SAT2: variants seen among roughly 807,000 people sequenced by gnomAD.
The protein encoded by SAT2 is thialysine N-epsilon-acetyltransferase.
Under a neutral mutation model 24.8 loss-of-function variants are expected in SAT2, and 19 were observed. The observed-to-expected ratio is 0.77, with a 90% CI of 0.53 to 1.12. The LOEUF (loss-of-function observed/expected upper bound fraction) is 1.12. Among genes scored for constraint, SAT2 ranks in the 50% most tolerant of loss-of-function variants. The pLI is 0.00. For synonymous variants in SAT2, 77 were observed against 77.4 expected (o/e 0.99, Z 0.03); for missense variants, 190 against 210.7 (o/e 0.90, Z 0.61).
rs1340209627 is a variant in SAT2 at position 7,626,755 on chromosome 17, C to T, written c.343G>A (p.Glu115Lys). ...TGTCGCCCCACCCATCTCCTCACCT[C>T]AGCCACCTTTTTGATTATTTTGGAA... Reference protein sequence around the residue: ...IGSKIIKKVAEVALDKGCSQF... With the variant: ...IGSKIIKKVAKVALDKGCSQF... The change falls in exon 5 of 6, where the codon GAG becomes AAG. Residue 115 changes from glutamate to lysine, a missense_variant and splice_region_variant. Glu to Lys is a moderately conservative substitution (Grantham distance 56). Transcript: ENST00000269298. The T allele has an allele frequency of 1.2e-6, 2 of 1,614,192 alleles. No individual in the cohort carries two copies. Among genetic ancestry groups the T allele is most frequent in the Non-Finnish European group, 1.7e-6 (2 of 1,180,034 alleles).
At position 7,626,501 on chromosome 17, in the gene SAT2, G is replaced by C. The variant is rs765733862; in HGVS notation, c.459C>G (p.Gly153=). The change falls in exon 6 of 6, where the codon GGC becomes GGG. Residue 153 remains glycine (G), a synonymous_variant. Coordinates refer to ENST00000269298, the MANE Select transcript of SAT2 (RefSeq NM_133491.5). The part of the protein sequence containing the change: ...LGAQDLTEAE[G]WHFFCFQGEA... ...CTCCTTGAAAGCAGAAGAAGTGCCA[G>C]CCCTCAGCTTCCGTCAGATCTTGGG... The C allele has an allele frequency of 2.2e-5, 35 of 1,614,146 alleles. No homozygotes were observed. Among genetic ancestry groups the C allele is most frequent in the Non-Finnish European group, 3.0e-5 (35 of 1,180,030 alleles).
In SAT2 at chr17:7,627,000, T is replaced by TA. The variant is rs773401600; in HGVS notation, c.246dup (p.Thr83TyrfsTer33). On this transcript the variant is annotated frameshift_variant, in exon 4 of 6. Transcript: ENST00000269298. LOFTEE classifies it high-confidence loss of function. The stretch of plus-strand genomic sequence containing the variant: ...AGATAAATGGTGCGTCCCTTCCATG[T>TA]ACTGTAGATGAAATAGTATATCCCA... 6.2e-7 allele frequency: 1 copy of TA among 1,614,018 alleles called. No individual in the cohort carries two copies. The highest frequency in any genetic ancestry group is 1.1e-5 in the South Asian group (1 of 91,076).
In SAT2 at chr17:7,627,621, C is replaced by A. The variant is rs1199471947; in HGVS notation, c.15G>T (p.Arg5=). Residue 5 remains arginine (R), a synonymous_variant, in exon 1 of 6, where the codon CGG becomes CGT. Coordinates refer to ENST00000269298, the MANE Select transcript of SAT2 (RefSeq NM_133491.5). The surrounding 1 kb of genome is among the most constrained non-coding windows in gnomAD (Gnocchi z 4.8). MASV[R]IREAKEGDCG... ...AGTCTCCCTCCTTGGCCTCTCGGAT[C>A]CGCACGGAAGCCATCCGGATCCCCG... 6.2e-7 allele frequency: 1 copy of A among 1,613,690 alleles called. No individual in the cohort carries two copies. Among genetic ancestry groups the A allele is most frequent in the Non-Finnish European group, 8.5e-7 (1 of 1,179,820 alleles).
At position 7,627,197 on chromosome 17, in the gene SAT2, G is replaced by C. The variant is rs2072239565; in HGVS notation, c.148C>G (p.Pro50Ala). Residue 50 changes from proline to alanine, a missense_variant, in exon 3 of 6, where the codon CCT (proline) becomes GCT (alanine). Physicochemically the swap from Pro to Ala is conservative, Grantham distance 27 (BLOSUM62 -1). Transcript: ENST00000269298. This position sits in a 1 kb window ranked among gnomAD's most constrained non-coding sequence, Gnocchi z 4.8. ...TCTGCTACCAAACAGTGATAGAAAG[G>C]ATTGTCTCCAAAGCCATCTGCTCTC... is the stretch of plus-strand genomic sequence containing the variant. ...ALRADGFGDN[P>A]FYHCLVAEIL... 1.2e-6 allele frequency: 2 copies of C among 1,614,102 alleles called. No homozygotes were observed.
Position 7,627,063 on chromosome 17 carries a change from G to A in SAT2, c.203-19C>T, listed in dbSNP as rs2072234722. On this transcript the variant is annotated intron_variant, in intron 3 of 5. Coordinates refer to ENST00000269298, the MANE Select transcript of SAT2 (RefSeq NM_133491.5). The surrounding 1 kb of genome is among the most constrained non-coding windows in gnomAD (Gnocchi z 4.8). ...CAGGGCCCTGAGAGAGAGAAAAGGGGAGTAAGGCTTCTGGAAGCCTGTGGG... is the reference window on the plus strand; with the variant it reads ...CAGGGCCCTGAGAGAGAGAAAAGGGAAGTAAGGCTTCTGGAAGCCTGTGGG... The A allele has an allele frequency of 6.2e-7, 1 of 1,613,060 alleles. No individual in the cohort carries two copies. The highest frequency in any genetic ancestry group is 8.5e-7 in the Non-Finnish European group (1 of 1,179,182).
At chr17:7,626,723 C>G (rs2150962048) in intron 5 of SAT2, 30 bp downstream of exon 5, 1 of 1,614,024 alleles carries the variant, frequency 6.2e-7, no homozygotes, top group South Asian at 1.1e-5. Context: ...TTCTTCAGGT[C>G]CTCACTTGTC....
rs1423765407 is a variant in SAT2 at position 7,626,812 on chromosome 17, G to A, written c.305-19C>T. ...CCTTGACCTGTTGTGGAGAGAAAGA[G>A]GCAAAAAATAGCTATTGTTTGAGCT... On this transcript the variant is annotated intron_variant, in intron 4 of 5. Transcript: ENST00000269298. 6.2e-7 allele frequency: 1 copy of A among 1,613,880 alleles called. No homozygotes were observed. Among genetic ancestry groups the A allele is most frequent in the Admixed American group, 1.7e-5 (1 of 60,000 alleles).
Position 7,627,626 on chromosome 17 carries a change from C to T in SAT2, c.10G>A (p.Val4Met), listed in dbSNP as rs552962775. ...CCCTCCTTGGCCTCTCGGATCCGCA[C>T]GGAAGCCATCCGGATCCCCGCTGTC... Reference protein sequence around the residue: MASVRIREAKEGDC... With the variant: MASMRIREAKEGDC... Residue 4 changes from valine (V) to methionine (M), a missense_variant, in exon 1 of 6, where the codon GTG (valine) becomes ATG (methionine). Transcript: ENST00000269298. This position sits in a 1 kb window ranked among gnomAD's most constrained non-coding sequence, Gnocchi z 4.8. The T allele has an allele frequency of 2.9e-5, 46 of 1,613,866 alleles. No homozygotes were observed. In the South Asian group the frequency reaches 4.6e-4, roughly 16 times the overall value.
rs930818200 is a variant in SAT2, at chr17:7,627,504, C to T, written c.66+66G>A. On this transcript the variant is annotated intron_variant, in intron 1 of 5. Transcript: ENST00000269298. This position sits in a 1 kb window ranked among gnomAD's most constrained non-coding sequence, Gnocchi z 4.8. ...CAAGGCGAGCCCCTCCCCCTGCCCC[C>T]GCCTCCTACGACCCCGCTCTGGCCG... 6.3e-7 allele frequency: 1 copy of T among 1,595,648 alleles called. No homozygotes were observed. Among genetic ancestry groups the T allele is most frequent in the African/African-American group, 1.3e-5 (1 of 74,612 alleles).
In SAT2 at chr17:7,626,400, T is replaced by A. The variant is rs563588213; in HGVS notation, c.*47A>T. 3.7e-6 allele frequency: 6 copies of A among 1,604,540 alleles called. No homozygotes were observed. In the South Asian group the frequency reaches 6.7e-5, roughly 18 times the overall value. On this transcript the variant is annotated 3_prime_UTR_variant, in exon 6 of 6. Coordinates refer to ENST00000269298, the MANE Select transcript of SAT2 (RefSeq NM_133491.5). ...CGTAGTCTCTGAAGAGTGCTTCAGC[T>A]GATGGGGAAGGAGAAACTCAAGACA...
chr17:7,627,461 G>A lies in SAT2; in HGVS notation c.67-47C>T. On this transcript the variant is annotated intron_variant, in intron 1 of 5. Coordinates refer to ENST00000269298, the MANE Select transcript of SAT2 (RefSeq NM_133491.5). This position sits in a 1 kb window ranked among gnomAD's most constrained non-coding sequence, Gnocchi z 4.8. ...TAGATTAGAGCAGAAGGGCCCCGCT[G>A]CTCCCCGAGCAGGTTCCCAAGGCGA... 1 of 1,610,966 alleles carries A rather than the reference G, an allele frequency of 6.2e-7. No homozygotes were observed. The highest frequency in any genetic ancestry group is 8.5e-7 in the Non-Finnish European group (1 of 1,177,460).
Position 7,626,947 on chromosome 17 carries a change from A to G in SAT2, c.300T>C (p.Tyr100=), listed in dbSNP as rs761643072. ...GCCTCAGCTTCTGCCCAGTACCCCG[A>G]TATTCCGGCATCACATAGATATCCT... ...YLEDIYVMPE[Y]RGQGIGSKII... is the part of the protein sequence containing the mutation. The change falls in exon 4 of 6, where the codon TAT becomes TAC. Residue 100 remains tyrosine, a synonymous_variant. Transcript: ENST00000269298. 6.2e-6 allele frequency: 10 copies of G among 1,613,654 alleles called. 2 individuals are homozygous for G. In the South Asian group the frequency reaches 1.1e-4, roughly 18 times the overall value.
rs1237184226 is a variant in SAT2, at chr17:7,627,676, C to G, written c.-41G>C. 6.2e-7 allele frequency: 1 copy of G among 1,612,040 alleles called. No homozygotes were observed. Among genetic ancestry groups the G allele is most frequent in the African/African-American group, 1.3e-5 (1 of 74,814 alleles). On this transcript the variant is annotated 5_prime_UTR_variant, in exon 1 of 6. Coordinates refer to ENST00000269298, the MANE Select transcript of SAT2 (RefSeq NM_133491.5). This position sits in a 1 kb window ranked among gnomAD's most constrained non-coding sequence, Gnocchi z 4.8. ...CTGGGACCAAAGTCCCAGGGCCTCG[C>G]AAACGGCAACTAGACCCCTTAAAGG...
rs13894 is a variant in SAT2, at chr17:7,626,584, G to A, written c.376C>T (p.Arg126Cys). 0.073 allele frequency: 118,459 copies of A among 1,613,918 alleles called. 4,557 individuals are homozygous for A. The highest frequency in any genetic ancestry group is 0.11 in the South Asian group (9,871 of 91,048). The change falls in exon 6 of 6, where the codon CGC (arginine) becomes TGC (cysteine). Residue 126 changes from arginine to cysteine, a missense_variant. Arg to Cys is a radical substitution (Grantham distance 180). Coordinates refer to ENST00000269298, the MANE Select transcript of SAT2 (RefSeq NM_133491.5). ...VALDKGCSQF[R>C]LAVLDWNQRA... Reference sequence around the variant, plus strand: ...TGGTTCCAGTCCAGGACGGCCAGGCGGAATTGGGAGCAGCCCTTATCCAAG... The same window carrying A: ...TGGTTCCAGTCCAGGACGGCCAGGCAGAATTGGGAGCAGCCCTTATCCAAG...
In SAT2 at chr17:7,627,812, G is replaced by A; in HGVS notation, c.-177C>T. The A allele has an allele frequency of 1.4e-6, 1 of 723,662 alleles. No homozygotes were observed. Among genetic ancestry groups the A allele is most frequent in the Non-Finnish European group, 2.5e-6 (1 of 403,474 alleles). 44.8% of individuals were successfully genotyped at this position (723,662 alleles called of 1,614,324 possible). ...TGGAGCTGGGATTCCGGCGCCGTAC[G>A]GGAGGAGAGAGTAGGCCAGCGAGGC... On this transcript the variant is annotated 5_prime_UTR_variant, in exon 1 of 6. Coordinates refer to ENST00000269298, the MANE Select transcript of SAT2 (RefSeq NM_133491.5). The surrounding 1 kb of genome is among the most constrained non-coding windows in gnomAD (Gnocchi z 4.8).
chr17:7,626,263 A>T lies in SAT2; in HGVS notation c.*184T>A, dbSNP rs894456749. On this transcript the variant is annotated 3_prime_UTR_variant, in exon 6 of 6. Coordinates refer to ENST00000269298, the MANE Select transcript of SAT2 (RefSeq NM_133491.5). ...GACATGTAATTCTTATTTATTTTTC[A>T]CCCTCAACAAGGAAGAAAGGTCTCT... 3.2e-6 allele frequency: 2 copies of T among 616,572 alleles called. No homozygotes were observed. Among genetic ancestry groups the T allele is most frequent in the Non-Finnish European group, 5.7e-6 (2 of 349,366 alleles). 38.2% of individuals were successfully genotyped at this position (616,572 alleles called of 1,614,324 possible).
Position 7,627,561 on chromosome 17 carries a change from A to G in SAT2, c.66+9T>C. ...TCTGACCCCCGGGTTACCGGCCTGC[A>G]GTCTTCACCCGAATCAGCCTCAGGA... On this transcript the variant is annotated intron_variant, in intron 1 of 5. Coordinates refer to ENST00000269298, the MANE Select transcript of SAT2 (RefSeq NM_133491.5). The surrounding 1 kb of genome is among the most constrained non-coding windows in gnomAD (Gnocchi z 4.8). 6.2e-7 allele frequency: 1 copy of G among 1,608,808 alleles called. No homozygotes were observed. Among genetic ancestry groups the G allele is most frequent in the Non-Finnish European group, 8.5e-7 (1 of 1,177,074 alleles).
chr17:7,626,425 A>C lies in SAT2; in HGVS notation c.*22T>G. On this transcript the variant is annotated 3_prime_UTR_variant, in exon 6 of 6. Coordinates refer to ENST00000269298, the MANE Select transcript of SAT2 (RefSeq NM_133491.5). ...TGATGGGGAAGGAGAAACTCAAGAC[A>C]GAGATCCTCCTAGGGATGGCGTCAC... The C allele has an allele frequency of 6.2e-7, 1 of 1,612,528 alleles. No homozygotes were observed. The highest frequency in any genetic ancestry group is 8.5e-7 in the Non-Finnish European group (1 of 1,178,976).
In SAT2 at chr17:7,627,500, C is replaced by A; in HGVS notation, c.66+70G>T. On this transcript the variant is annotated intron_variant, in intron 1 of 5. Coordinates refer to ENST00000269298, the MANE Select transcript of SAT2 (RefSeq NM_133491.5). This position sits in a 1 kb window ranked among gnomAD's most constrained non-coding sequence, Gnocchi z 4.8. ...TTCCCAAGGCGAGCCCCTCCCCCTG[C>A]CCCCGCCTCCTACGACCCCGCTCTG... The A allele has an allele frequency of 1.3e-6, 2 of 1,585,444 alleles. No homozygotes were observed. Among genetic ancestry groups the A allele is most frequent in the East Asian group, 2.2e-5 (1 of 44,706 alleles).
Sources: gnomAD v4.1 joint callset for allele counts on GRCh38, gnomAD v4.1.1 for gene constraint, Gnocchi (gnomAD v3.1) non-coding constraint, MANE v1.5 for transcripts, NCBI Gene and HGNC (gene_info 2026-07-23, HGNC 2026-07-21) for gene names.